BCAS3: variants seen among roughly 807,000 people sequenced by gnomAD.
BCAS3 encodes the protein BCAS4/BCAS3 fusion.
A neutral mutation model predicts 116.1 loss-of-function variants in BCAS3; 53 were observed. The observed-to-expected ratio is 0.46, with a 90% CI of 0.37 to 0.57. The LOEUF is 0.57. Ranked by LOEUF, BCAS3 falls within the 20% of genes least tolerant of loss-of-function variation. The pLI is 0.00. For missense variants in BCAS3, 917 were observed against 1,165.4 expected (o/e 0.79, Z 3.10); for synonymous variants, 391 against 408.2 (o/e 0.96, Z 0.51).
intron 6 of BCAS3, among the ~76,000 whole-genome samples, chr17:60,781,603 C>G (rs1302647329): frequency 6.6e-6 from 1 of 151,878 alleles, no homozygotes; most frequent in African/African-American, 2.4e-5. Flanking sequence ...TTTCTTTCTT[C>G]TCCTTCTTGT....
chr17:60,750,597 AT>A (rs1457621752), intron 6 of BCAS3, among the ~76,000 whole-genome samples: 4 of 152,352 alleles, frequency 2.6e-5, no homozygotes, highest in African/African-American at 9.6e-5. Context: ...GTTAGAATTA[AT>A]CAGTGAATTT....
In BCAS3 at chr17:61,029,781, A is replaced by C; in HGVS notation, c.1638-4885A>C. On this transcript the variant is annotated intron_variant, in intron 16 of 23. Transcript: ENST00000407086. This position sits in a 1 kb window ranked among gnomAD's most constrained non-coding sequence, Gnocchi z 5.2. The stretch of plus-strand genomic sequence containing the variant: ...CATATTAAATTAGAAAGTTTTAATT[A>C]GTGTTTTCTAAGAGTTTTGATCAAG... Among the ~76,000 whole-genome samples, 1 of 152,028 alleles carries C rather than the reference A, an allele frequency of 6.6e-6. No individual in the cohort carries two copies. Among genetic ancestry groups the C allele is most frequent in the South Asian group, 2.1e-4 (1 of 4,836 alleles).
intron 5 of BCAS3, among the ~76,000 whole-genome samples, chr17:60,744,772 T>C (rs1450210358): frequency 6.7e-6 from 1 of 149,456 alleles, no homozygotes; most frequent in Non-Finnish European, 1.5e-5. Flanking sequence ...GGACAGTGAA[T>C]GTGGGGATGC....
At position 61,391,890 on chromosome 17, in the gene BCAS3, C is replaced by G. The variant is rs950404276; in HGVS notation, c.2594-87C>G. ...GGACACAAGTGAACCCAGAATGGTG[C>G]CTCAAGGCAGGCAGCCTGGCCCAGA... On this transcript the variant is annotated intron_variant, in intron 23 of 23. Coordinates refer to ENST00000407086, the MANE Select transcript of BCAS3 (RefSeq NM_017679.5). This position sits in a 1 kb window ranked among gnomAD's most constrained non-coding sequence, Gnocchi z 7.7. 1 of 1,452,714 alleles carries G rather than the reference C, an allele frequency of 6.9e-7. No individual in the cohort carries two copies. Among genetic ancestry groups the G allele is most frequent in the East Asian group, 2.3e-5 (1 of 43,362 alleles). The allele number at this position is 1,452,714 out of a possible 1,614,324, so 90.0% of individuals were successfully genotyped here.
rs1204177621 is a variant in BCAS3, at chr17:61,276,068, T to G, written c.2426-92259T>G. ...ATCAGTATATAAAAATCACTTGTGT[T>G]GGCCGGGTGCGGTGGCTCACGCGTG... On this transcript the variant is annotated intron_variant, in intron 22 of 23. Coordinates refer to ENST00000407086, the MANE Select transcript of BCAS3 (RefSeq NM_017679.5). This position sits in a 1 kb window ranked among gnomAD's most constrained non-coding sequence, Gnocchi z 4.2. Among the ~76,000 whole-genome samples the G allele has an allele frequency of 2.0e-5, 3 of 152,148 alleles. No homozygotes were observed. The highest frequency in any genetic ancestry group is 7.2e-5 in the African/African-American group (3 of 41,434).
intron 22 of BCAS3, among the ~76,000 whole-genome samples, chr17:61,292,609 G>A (rs1194035807): frequency 2.0e-5 from 3 of 152,062 alleles, no homozygotes; most frequent in African/African-American, 7.2e-5. Context: ...CCGAGATCAC[G>A]CCATGCACTC....
chr17:61,246,398 A>C (rs1244504795), intron 22 of BCAS3, among the ~76,000 whole-genome samples: 1 of 149,408 alleles, frequency 6.7e-6, no homozygotes, highest in African/African-American at 2.5e-5. Flanking sequence ...AGAGGACCAC[A>C]GAAGCAGAGG....
rs1193408581 is a variant in BCAS3, at chr17:61,365,562, G to A, written c.2426-2765G>A. On this transcript the variant is annotated intron_variant, in intron 22 of 23. Coordinates refer to ENST00000407086, the MANE Select transcript of BCAS3 (RefSeq NM_017679.5). This position sits in a 1 kb window ranked among gnomAD's most constrained non-coding sequence, Gnocchi z 4.6. ...TTGTCCAGGCTGGTCTCAAACTCTTGGCCTCAAGTGATCTGCTCACCTTGG... is the reference window on the plus strand; with the variant it reads ...TTGTCCAGGCTGGTCTCAAACTCTTAGCCTCAAGTGATCTGCTCACCTTGG... Among the ~76,000 whole-genome samples, 1 of 152,076 alleles carries A rather than the reference G, an allele frequency of 6.6e-6. No individual in the cohort carries two copies. Among genetic ancestry groups the A allele is most frequent in the Non-Finnish European group, 1.5e-5 (1 of 68,006 alleles).
At chr17:61,000,844 G>T (rs574341704) in intron 15 of BCAS3, among the ~76,000 whole-genome samples, 38 of 152,166 alleles carry the variant, frequency 2.5e-4, no homozygotes, top group African/African-American at 8.9e-4. Context: ...ATTTTAATTG[G>T]TTTTTGCTCA....
intron 4 of BCAS3, among the ~76,000 whole-genome samples, chr17:60,708,678 G>A (rs79847546): frequency 0.042 from 6,391 of 152,014 alleles, 364 homozygotes; most frequent in African/African-American, 0.13. Flanking sequence ...TTACAGGTGC[G>A]GCACCACACC....
At position 61,282,610 on chromosome 17, in the gene BCAS3, A is replaced by T. The variant is rs1385214147; in HGVS notation, c.2426-85717A>T. Among the ~76,000 whole-genome samples the T allele has an allele frequency of 6.6e-6, 1 of 152,192 alleles. No homozygotes were observed. Among genetic ancestry groups the T allele is most frequent in the Admixed American group, 6.5e-5 (1 of 15,280 alleles). The stretch of plus-strand genomic sequence containing the variant: ...ACAAGTTGAATGCCCAAGTTATAGA[A>T]AGTTATGTTTGTATTGGTCGTTGTT... On this transcript the variant is annotated intron_variant, in intron 22 of 23. Transcript: ENST00000407086. This position sits in a 1 kb window ranked among gnomAD's most constrained non-coding sequence, Gnocchi z 5.9.
intron 14 of BCAS3, among the ~76,000 whole-genome samples, chr17:60,977,032 CA>C (rs2062438170): frequency 6.6e-6 from 1 of 151,870 alleles, no homozygotes; most frequent in Non-Finnish European, 1.5e-5. Flanking sequence ...AGGCGCCCCC[CA>C]ACCTCCCAGA....
chr17:61,217,318 A>C lies in BCAS3; in HGVS notation c.2425+132754A>C, dbSNP rs865991908. Among the ~76,000 whole-genome samples, 17 of 152,272 alleles carry C rather than the reference A, an allele frequency of 1.1e-4. No homozygotes were observed. Among genetic ancestry groups the C allele is most frequent in the Admixed American group, 5.2e-4 (8 of 15,294 alleles). On this transcript the variant is annotated intron_variant, in intron 22 of 23. Coordinates refer to ENST00000407086, the MANE Select transcript of BCAS3 (RefSeq NM_017679.5). The surrounding 1 kb of genome is among the most constrained non-coding windows in gnomAD (Gnocchi z 5.2). ...ATAAACAAATAAAAATAAAGTTAGC[A>C]CTAGTTTTAAAGTATCCTCCATTTT...
intron 19 of BCAS3, among the ~76,000 whole-genome samples, chr17:61,046,054 ATAT>A (rs1455761738): frequency 9.9e-5 from 2 of 20,118 alleles, no homozygotes; most frequent in South Asian, 2.7e-3. Flanking sequence ...TATAATATAT[ATAT>A]TATATATATA....
intron 13 of BCAS3, among the ~76,000 whole-genome samples, chr17:60,945,316 C>G (rs369824968): frequency 6.6e-6 from 1 of 151,986 alleles, no homozygotes; most frequent in East Asian, 1.9e-4. Context: ...ACAGTTGTCC[C>G]CAAATTAATT....
intron 22 of BCAS3, among the ~76,000 whole-genome samples, chr17:61,271,424 A>ATTTTTTTTTTTTTTAT (rs71148400): frequency 2.8e-5 from 2 of 70,226 alleles, no homozygotes; most frequent in Admixed American, 2.6e-4. Context: ...CCATGCCCGG[A>ATTTTTTTTTTTTTTAT]TTTTTTTTTT....
rs2061582218 is a variant in BCAS3, at chr17:60,964,993, G to A, written c.1221+17641G>A. Among the ~76,000 whole-genome samples the A allele has an allele frequency of 6.6e-6, 1 of 151,836 alleles. No individual in the cohort carries two copies. The highest frequency in any genetic ancestry group is 2.1e-4 in the South Asian group (1 of 4,810). On this transcript the variant is annotated intron_variant, in intron 14 of 23. Coordinates refer to ENST00000407086, the MANE Select transcript of BCAS3 (RefSeq NM_017679.5). The surrounding 1 kb of genome is among the most constrained non-coding windows in gnomAD (Gnocchi z 4.6). ...TTACATTTTTGAAAACCAATGTTTT[G>A]TTCTATTGATCTGTATTTCTTTTTA...
chr17:60,754,393 C>A (rs1388258447), intron 6 of BCAS3, among the ~76,000 whole-genome samples: 1 of 151,920 alleles, frequency 6.6e-6, no homozygotes, highest in African/African-American at 2.4e-5. Context: ...TGCTCTGTCA[C>A]CCAGGCTGGA....
At chr17:60,891,924 G>C (rs559303722) in intron 10 of BCAS3, among the ~76,000 whole-genome samples, 1 of 152,214 alleles carries the variant, frequency 6.6e-6, no homozygotes, top group East Asian at 1.9e-4. Flanking sequence ...TTCTGAGTTA[G>C]TTCACTTAAG....
Sources: allele counts gnomAD v4.1 joint callset (sites outside exome capture counted in the v4.1 genomes callset), GRCh38; gene constraint gnomAD v4.1.1; non-coding constraint Gnocchi (gnomAD v3.1); transcripts MANE v1.5; gene names NCBI Gene and HGNC (gene_info 2026-07-23, HGNC 2026-07-21).